EPAS1: variants seen among roughly 807,000 people sequenced by gnomAD.
EPAS1 encodes endothelial PAS domain-containing protein 1.
In EPAS1, 23 loss-of-function variants were observed where a neutral mutation model predicts 87.9. That is an observed-to-expected ratio of 0.26 (90% CI 0.19 to 0.37). The LOEUF is 0.37. Among genes scored for constraint, EPAS1 ranks in the 10% least tolerant of loss-of-function variants. The pLI is 1.00. For missense variants in EPAS1, 1,138 were observed against 1,120.7 expected, an observed-to-expected ratio of 1.02 and a Z score of -0.22; for synonymous variants, 508 against 444.3, an observed-to-expected ratio of 1.14 and a Z score of -1.80.
At chr2:46,321,951 A>G (rs1243009003) in intron 1 of EPAS1, among the ~76,000 whole-genome samples, 1 of 152,182 alleles carries the variant, frequency 6.6e-6, no homozygotes, top group African/African-American at 2.4e-5. Context: ...GGACTTAAGT[A>G]ACTTCAACTC....
chr2:46,376,823 G>A (rs1262418716), intron 9 of EPAS1, 70 bp downstream of exon 9: 1 of 1,510,132 alleles, frequency 6.6e-7, no homozygotes, highest in African/African-American at 1.4e-5. Flanking sequence ...TACTATAACA[G>A]GCCTCCCTGG....
At chr2:46,321,559 GT>G (rs1290353810) in intron 1 of EPAS1, among the ~76,000 whole-genome samples, 2 of 151,946 alleles carry the variant, frequency 1.3e-5, no homozygotes, top group African/African-American at 4.8e-5. Flanking sequence ...GTTTTGTTTT[GT>G]TTTTGTTTTT....
chr2:46,334,387 C>A (rs1683747328), intron 1 of EPAS1, among the ~76,000 whole-genome samples: 1 of 152,184 alleles, frequency 6.6e-6, no homozygotes, highest in Non-Finnish European at 1.5e-5. Context: ...ATGCCTTGCT[C>A]CCTGTTCTCT....
Position 46,370,068 on chromosome 2 carries a change from T to C in EPAS1, c.886+135T>C, listed in dbSNP as rs916456360. 6.8e-5 allele frequency: 51 copies of C among 751,788 alleles called. 1 individual carries two copies. The South Asian group carries it at 6.8e-4, about 10-fold the overall frequency. The allele number at this position is 751,788 out of a possible 1,614,324, so 46.6% of individuals were successfully genotyped here. ...TGTCTTGTGTGGCAGACAAGACTTA[T>C]GCCCTCAAGATGGTTAGAAAACCAA... On this transcript the variant is annotated intron_variant, in intron 7 of 15. Coordinates refer to ENST00000263734, the MANE Select transcript of EPAS1 (RefSeq NM_001430.5).
chr2:46,337,281 C>A (rs1429602547), intron 1 of EPAS1, among the ~76,000 whole-genome samples: 1 of 152,160 alleles, frequency 6.6e-6, no homozygotes, highest in Non-Finnish European at 1.5e-5. Flanking sequence ...GCGTGTGTAA[C>A]CTCTGAAATG....
At chr2:46,363,969 A>G (rs1473363813) in intron 6 of EPAS1, among the ~76,000 whole-genome samples, 1 of 152,218 alleles carries the variant, frequency 6.6e-6, no homozygotes, top group Non-Finnish European at 1.5e-5. Flanking sequence ...TGACTATTTT[A>G]AGTCCTTAAT....
chr2:46,368,634 A>ACTGCTTCTGCTTT (rs933740978), intron 6 of EPAS1, among the ~76,000 whole-genome samples: 1 of 152,202 alleles, frequency 6.6e-6, no homozygotes, highest in African/African-American at 2.4e-5. Context: ...ATGAGGAGCC[A>ACTGCTTCTGCTTT]CTGCTTCTGC....
intron 7 of EPAS1, among the ~76,000 whole-genome samples, chr2:46,373,414 G>GCCTGTT (rs1684668639): frequency 6.6e-6 from 1 of 152,090 alleles, no homozygotes; most frequent in African/African-American, 2.4e-5. Flanking sequence ...AACAAATTAT[G>GCCTGTT]GTATGTCCAT....
At chr2:46,383,260 G>A (rs1684942220) in intron 15 of EPAS1, among the ~76,000 whole-genome samples, 1 of 152,214 alleles carries the variant, frequency 6.6e-6, no homozygotes, top group South Asian at 2.1e-4. Flanking sequence ...CTGAGAACAT[G>A]CCAAAACTTC....
intron 7 of EPAS1, among the ~76,000 whole-genome samples, chr2:46,374,760 T>C (rs959772862): frequency 2.0e-5 from 3 of 152,106 alleles, no homozygotes; most frequent in Non-Finnish European, 2.9e-5. Flanking sequence ...TTTAAAGAGA[T>C]TTATTGATTC....
intron 15 of EPAS1, among the ~76,000 whole-genome samples, chr2:46,383,341 A>G (rs536961321): frequency 1.0e-3 from 153 of 152,360 alleles, no homozygotes; most frequent in African/African-American, 3.7e-3. Flanking sequence ...GCAGGCACCA[A>G]TGCCTGCCTT....
chr2:46,382,758 T>G (rs1684930300), intron 15 of EPAS1, among the ~76,000 whole-genome samples, 160 bp downstream of exon 15: 1 of 152,196 alleles, frequency 6.6e-6, no homozygotes, highest in Non-Finnish European at 1.5e-5. Context: ...TTAGGGAACC[T>G]CCTCACAAGT....
Position 46,360,059 on chromosome 2 carries a change from G to A in EPAS1, c.455-579G>A, listed in dbSNP as rs1292479228. 6.6e-6 allele frequency among the ~76,000 whole-genome samples: 1 copy of A among 152,162 alleles called. No individual in the cohort carries two copies. The highest frequency in any genetic ancestry group is 2.4e-5 in the African/African-American group (1 of 41,432). ...GTACCAGAGTTCTCTCTAGAGCCTT[G>A]ATACATATGTCACTTCAGGGACAAA... On this transcript the variant is annotated intron_variant, in intron 4 of 15. Coordinates refer to ENST00000263734, the MANE Select transcript of EPAS1 (RefSeq NM_001430.5). This position sits in a 1 kb window ranked among gnomAD's most constrained non-coding sequence, Gnocchi z 4.5.
At chr2:46,379,553 T>G (rs1684837561) in intron 11 of EPAS1, 1 of 161,536 alleles carries the variant, frequency 6.2e-6, no homozygotes, top group South Asian at 1.7e-4. Flanking sequence ...TGCTTAGTAT[T>G]GCAGTCATTA....
At chr2:46,379,234 G>T (rs1423914600) in intron 11 of EPAS1, among the ~76,000 whole-genome samples, 1 of 152,078 alleles carries the variant, frequency 6.6e-6, no homozygotes, top group Non-Finnish European at 1.5e-5. Context: ...AACTTTTCAG[G>T]AACACATTTA....
rs750400319 is a variant in EPAS1, at chr2:46,384,685, C to G, written c.*25C>G. On this transcript the variant is annotated 3_prime_UTR_variant, in exon 16 of 16. Coordinates refer to ENST00000263734, the MANE Select transcript of EPAS1 (RefSeq NM_001430.5). ...AGCCAGGCCTTCTACCTGGGCAGCA[C>G]CTCTGCCGACGCCGTCCCACCAGCT... 5 of 1,611,706 alleles carry G rather than the reference C, an allele frequency of 3.1e-6. No individual in the cohort carries two copies. Among genetic ancestry groups the G allele is most frequent in the Non-Finnish European group, 4.2e-6 (5 of 1,179,606 alleles).
chr2:46,350,363 T>C (rs1053888050), intron 2 of EPAS1, among the ~76,000 whole-genome samples: 27 of 152,340 alleles, frequency 1.8e-4, no homozygotes, highest in Admixed American at 1.3e-3. Flanking sequence ...AATACCAGGT[T>C]TTTCTTTAGA....
rs3053639 is a variant in EPAS1, at chr2:46,308,460, T to TGGGG, written c.26+10531_26+10534dup. ...CCCTAATACCTTGCTTGCTTTTTTT[T>TGGGG]GGGGGGGGGGGCTCTGAAATCATGC... is the stretch of plus-strand genomic sequence containing the variant. On this transcript the variant is annotated intron_variant, in intron 1 of 15. Coordinates refer to ENST00000263734, the MANE Select transcript of EPAS1 (RefSeq NM_001430.5). Among the ~76,000 whole-genome samples the TGGGG allele has an allele frequency of 3.1e-3, 336 of 109,094 alleles. 5 individuals are homozygous for TGGGG. The highest frequency in any genetic ancestry group is 5.4e-3 in the Middle Eastern group (1 of 186). 71.6% of individuals were successfully genotyped at this position (109,094 alleles called of 152,430 possible). A position where few individuals can be genotyped will look rare whatever the true frequency, so the allele number is the denominator to read the frequency against.
intron 1 of EPAS1, among the ~76,000 whole-genome samples, chr2:46,330,150 A>G (rs541422917): frequency 1.2e-4 from 18 of 152,216 alleles, no homozygotes; most frequent in Admixed American, 5.9e-4. Flanking sequence ...TTCCATCTTA[A>G]TGCTTTAAAT....
Sources: gnomAD v4.1 joint callset for allele counts (sites outside exome capture counted in the v4.1 genomes callset) on GRCh38, gnomAD v4.1.1 for gene constraint, Gnocchi (gnomAD v3.1) non-coding constraint, MANE v1.5 for transcripts, NCBI Gene and HGNC (gene_info 2026-07-23, HGNC 2026-07-21) for gene names.